ADAM19: variants seen among roughly 807,000 people sequenced by gnomAD.
ADAM19 encodes ADAM metallopeptidase domain 19.
A neutral mutation model predicts 114.7 loss-of-function variants in ADAM19; 65 were observed. That is an observed-to-expected ratio of 0.57 (90% CI 0.46 to 0.70). The LOEUF (loss-of-function observed/expected upper bound fraction) is 0.70. ADAM19 is among the 30% of genes least tolerant of loss of function. ADAM19 has a pLI of 0.00. For synonymous variants in ADAM19, 466 were observed against 460.5 expected (o/e 1.01, Z -0.15); for missense variants, 1,063 against 1,204.7 (o/e 0.88, Z 1.74).
chr5:157,540,241 T>C (rs1281585224), intron 3 of ADAM19, among the ~76,000 whole-genome samples: 1 of 152,230 alleles, frequency 6.6e-6, no homozygotes, highest in Non-Finnish European at 1.5e-5. Flanking sequence ...TCCCCAGCCA[T>C]GAACTCTCCA....
chr5:157,562,767 G>A lies in ADAM19; in HGVS notation c.251+1606C>T, dbSNP rs541442306. Among the ~76,000 whole-genome samples, 32 of 152,186 alleles carry A rather than the reference G, an allele frequency of 2.1e-4. 1 individual carries two copies. The East Asian group carries it at 5.4e-3, about 26-fold the overall frequency. On this transcript the variant is annotated intron_variant, in intron 3 of 22. Transcript: ENST00000257527. ...ATCATTCCATTCAGTGTTTTCTAAG[G>A]CATCTTCCTGCTTTAGCTTCCTATG...
intron 4 of ADAM19, among the ~76,000 whole-genome samples, chr5:157,535,682 A>G (rs990715155): frequency 3.3e-5 from 5 of 152,244 alleles, no homozygotes; most frequent in African/African-American, 1.2e-4. Context: ...ATCTCTGCCT[A>G]ATGCACAAGC....
intron 15 of ADAM19, 109 bp from the exon 16 acceptor site, chr5:157,493,286 G>T: frequency 2.5e-6 from 3 of 1,192,004 alleles, no homozygotes; most frequent in Non-Finnish European, 1.2e-6. Context: ...CTTGCGTGGG[G>T]TGGGGCAAAG....
chr5:157,563,219 C>T (rs2113792902), intron 3 of ADAM19, among the ~76,000 whole-genome samples: 1 of 152,214 alleles, frequency 6.6e-6, no homozygotes, highest in African/African-American at 2.4e-5. Flanking sequence ...GCTTTACTCT[C>T]AAGAGGAGAG....
At position 157,509,454 on chromosome 5, in the gene ADAM19, A is replaced by C. The variant is rs1349588438; in HGVS notation, c.752T>G (p.Leu251Trp). 1 of 1,595,510 alleles carries C rather than the reference A, an allele frequency of 6.3e-7. No homozygotes were observed. The highest frequency in any genetic ancestry group is 1.7e-5 in the Admixed American group (1 of 58,482). ...GCCCACGAGAGCAATCCGGATGTTC[A>C]AGGATCGGTAAAACTGAAAGGACAC... ...ANYVDKFYRS[L>W]NIRIALVGLE... The change falls in exon 9 of 23, where the codon TTG becomes TGG. Residue 251 changes from leucine (L) to tryptophan (W), a missense_variant. Physicochemically the swap from Leu to Trp is moderately conservative, Grantham distance 61 (BLOSUM62 -2). Transcript: ENST00000257527.
At position 157,530,892 on chromosome 5, in the gene ADAM19, G is replaced by C. The variant is rs1237068662; in HGVS notation, c.331-9C>G. 1.9e-6 allele frequency: 3 copies of C among 1,612,420 alleles called. No homozygotes were observed. The highest frequency in any genetic ancestry group is 1.7e-6 in the Non-Finnish European group (2 of 1,178,614). Reference sequence around the variant, plus strand: ...TGGTAAAAGCAGTGATCCTAGCAAGGAGAAAGGAGGTGGTCAGGCTAAAGA... The same window carrying C: ...TGGTAAAAGCAGTGATCCTAGCAAGCAGAAAGGAGGTGGTCAGGCTAAAGA... On this transcript the variant is annotated splice_polypyrimidine_tract_variant and intron_variant, in intron 4 of 22. Coordinates refer to ENST00000257527, the MANE Select transcript of ADAM19 (RefSeq NM_033274.5).
chr5:157,562,389 A>C (rs1757532081), intron 3 of ADAM19, among the ~76,000 whole-genome samples: 1 of 152,218 alleles, frequency 6.6e-6, no homozygotes, highest in South Asian at 2.1e-4. Context: ...AGCAGATGCT[A>C]GAACCACAGC....
intron 3 of ADAM19, among the ~76,000 whole-genome samples, chr5:157,550,045 A>G (rs1757146491): frequency 6.6e-6 from 1 of 152,226 alleles, no homozygotes; most frequent in Non-Finnish European, 1.5e-5. Flanking sequence ...AGAATAAGTA[A>G]ATCTGGAGAC....
At chr5:157,512,058 A>G (rs1277300404) in intron 8 of ADAM19, among the ~76,000 whole-genome samples, 1 of 152,226 alleles carries the variant, frequency 6.6e-6, no homozygotes, top group Non-Finnish European at 1.5e-5. Context: ...CTCCCCAGGG[A>G]AACAAGCTTC....
chr5:157,573,846 C>G (rs6556089), intron 1 of ADAM19, among the ~76,000 whole-genome samples: 31,171 of 152,170 alleles, frequency 0.2, 4,562 homozygotes, highest in African/African-American at 0.41. Context: ...ATTTCTGCAT[C>G]TGCCCTGGGC....
At chr5:157,567,851 T>A (rs1757711215) in intron 2 of ADAM19, among the ~76,000 whole-genome samples, 1 of 151,594 alleles carries the variant, frequency 6.6e-6, no homozygotes, top group South Asian at 2.1e-4. Flanking sequence ...GCAACAGAGC[T>A]ACAGCAATTC....
intron 5 of ADAM19, among the ~76,000 whole-genome samples, chr5:157,528,096 GT>G (rs1756523469): frequency 6.6e-6 from 1 of 152,192 alleles, no homozygotes; most frequent in African/African-American, 2.4e-5. Flanking sequence ...GGCGCCTAGT[GT>G]TTTGACGACA....
chr5:157,523,572 C>G (rs1247389834), intron 5 of ADAM19, among the ~76,000 whole-genome samples: 1 of 152,200 alleles, frequency 6.6e-6, no homozygotes, highest in Non-Finnish European at 1.5e-5. Context: ...ACCACTTGAT[C>G]TCTGCACACA....
Position 157,488,471 on chromosome 5 carries a change from T to C in ADAM19, c.2344A>G (p.Ile782Val), listed in dbSNP as rs750581380. ...GKRKVINTPE[I>V]LRKPSQPPPR... ...GGAGGCTGGGAGGGCTTCCGCAGGA[T>C]TTCCGGAGTGTTGATCACCTGTACG... The change falls in exon 21 of 23, where the codon ATC (isoleucine) becomes GTC (valine). Residue 782 changes from isoleucine to valine, a missense_variant. Coordinates refer to ENST00000257527, the MANE Select transcript of ADAM19 (RefSeq NM_033274.5). 3 of 1,604,508 alleles carry C rather than the reference T, an allele frequency of 1.9e-6. No homozygotes were observed. Among genetic ancestry groups the C allele is most frequent in the Non-Finnish European group, 2.6e-6 (3 of 1,174,604 alleles).
intron 12 of ADAM19, among the ~76,000 whole-genome samples, chr5:157,500,421 CA>C (rs1755523919): frequency 6.6e-6 from 1 of 152,174 alleles, no homozygotes. Context: ...CTTAATATAA[CA>C]TGCGTATTTC....
At chr5:157,573,277 G>A (rs1056707851) in intron 1 of ADAM19, among the ~76,000 whole-genome samples, 22 of 152,174 alleles carry the variant, frequency 1.4e-4, no homozygotes, top group African/African-American at 4.8e-4. Context: ...TCTTCTCAAT[G>A]TTGTATCAGA....
intron 3 of ADAM19, among the ~76,000 whole-genome samples, chr5:157,559,880 C>A (rs1230922079): frequency 6.6e-6 from 1 of 152,128 alleles, no homozygotes; most frequent in East Asian, 1.9e-4. Flanking sequence ...TATCCCACTG[C>A]CCACTATTTC....
chr5:157,547,269 C>A (rs1048556370), intron 3 of ADAM19, among the ~76,000 whole-genome samples: 2 of 152,172 alleles, frequency 1.3e-5, no homozygotes, highest in Admixed American at 6.5e-5. Context: ...GGTCCCACCA[C>A]AAGCTAAGGA....
At chr5:157,520,288 C>A (rs529110201) in intron 5 of ADAM19, among the ~76,000 whole-genome samples, 2 of 149,702 alleles carry the variant, frequency 1.3e-5, no homozygotes, top group East Asian at 3.9e-4. Context: ...CCCCACCCCA[C>A]CCAACCACCA....
Sources: allele counts gnomAD v4.1 joint callset (sites outside exome capture counted in the v4.1 genomes callset), GRCh38; gene constraint gnomAD v4.1.1; transcripts MANE v1.5; gene names NCBI Gene and HGNC (gene_info 2026-07-23, HGNC 2026-07-21).